KSR2: variants seen among roughly 807,000 people sequenced by gnomAD.
KSR2 encodes the protein kinase suppressor of ras 2.
A neutral mutation model predicts 107.8 loss-of-function variants in KSR2; 25 were observed. The observed-to-expected ratio is 0.23, with a 90% CI of 0.17 to 0.32. KSR2 has a LOEUF of 0.32. KSR2 is among the 10% of genes least tolerant of loss of function. KSR2 has a pLI of 1.00. For synonymous variants in KSR2, 480 were observed against 507.0 expected (o/e 0.95, Z 0.71); for missense variants, 887 against 1,268.9 (o/e 0.70, Z 4.57).
chr12:117,580,673 A>G (rs1221093771), intron 6 of KSR2, among the ~76,000 whole-genome samples: 1 of 152,250 alleles, frequency 6.6e-6, no homozygotes, highest in Non-Finnish European at 1.5e-5. Flanking sequence ...AGGTCATCCC[A>G]AGTCTCAGCT....
At chr12:117,830,812 G>T (rs1891935709) in intron 3 of KSR2, among the ~76,000 whole-genome samples, 1 of 152,068 alleles carries the variant, frequency 6.6e-6, no homozygotes, top group African/African-American at 2.4e-5. Context: ...GTTTTATGAT[G>T]ATTTTTACTA....
At chr12:117,899,480 C>A (rs1201162189) in intron 1 of KSR2, among the ~76,000 whole-genome samples, 1 of 151,908 alleles carries the variant, frequency 6.6e-6, no homozygotes, top group African/African-American at 2.4e-5. Context: ...GCAACAGAGA[C>A]CCTGTCTCAA....
chr12:117,584,925 AAT>A (rs1879899235), intron 5 of KSR2, among the ~76,000 whole-genome samples: 1 of 152,210 alleles, frequency 6.6e-6, no homozygotes, highest in African/African-American at 2.4e-5. Context: ...ATTCTCAATG[AAT>A]AACTCTGCAA....
intron 1 of KSR2, among the ~76,000 whole-genome samples, chr12:117,901,013 T>C (rs908249744): frequency 6.6e-6 from 1 of 152,138 alleles, no homozygotes; most frequent in African/African-American, 2.4e-5. Flanking sequence ...CATAATAATT[T>C]CGGCATCAAG....
chr12:117,704,723 G>A (rs1886454295), intron 4 of KSR2, among the ~76,000 whole-genome samples: 1 of 152,076 alleles, frequency 6.6e-6, no homozygotes, highest in South Asian at 2.1e-4. Flanking sequence ...GCTGGGCATG[G>A]TGGCACACGC....
At chr12:117,966,766 G>GA (rs1185746393) in intron 1 of KSR2, among the ~76,000 whole-genome samples, 8 of 150,788 alleles carry the variant, frequency 5.3e-5, no homozygotes, top group Middle Eastern at 6.8e-3. Flanking sequence ...AAAAATCACG[G>GA]AAAAAAAAGA....
At chr12:117,709,683 A>G (rs976333410) in intron 4 of KSR2, among the ~76,000 whole-genome samples, 2 of 152,192 alleles carry the variant, frequency 1.3e-5, no homozygotes, top group Admixed American at 1.3e-4. Context: ...ACAGCTGCTC[A>G]CAGAAATCAT....
chr12:117,546,531 A>G (rs1876880065), intron 9 of KSR2, among the ~76,000 whole-genome samples: 1 of 152,120 alleles, frequency 6.6e-6, no homozygotes, highest in Non-Finnish European at 1.5e-5. Flanking sequence ...GAAGTTTTCA[A>G]CCATTATTTC....
At chr12:117,622,909 G>C (rs958519018) in intron 5 of KSR2, among the ~76,000 whole-genome samples, 2 of 152,118 alleles carry the variant, frequency 1.3e-5, no homozygotes, top group Admixed American at 6.5e-5. Context: ...GTTGGGTCTG[G>C]GAGAAAGACA....
intron 5 of KSR2, among the ~76,000 whole-genome samples, chr12:117,635,665 G>A (rs531349693): frequency 1.3e-5 from 2 of 152,114 alleles, no homozygotes. Context: ...AATACTTTCA[G>A]ATTTACAGAA....
rs192928852 is a variant in KSR2 at position 117,573,607 on chromosome 12, A to C, written c.1325+5512T>G. ...CAGTAGTGCAATGTTGGCTCACTGC[A>C]ACCTCCACCTCCTAGGTTCAAGTGA... is the stretch of plus-strand genomic sequence containing the variant. On this transcript the variant is annotated intron_variant, in intron 7 of 19. Coordinates refer to ENST00000339824, the MANE Select transcript of KSR2 (RefSeq NM_173598.6). 1.2e-4 allele frequency among the ~76,000 whole-genome samples: 17 copies of C among 146,358 alleles called. No individual in the cohort carries two copies. In the East Asian group the frequency reaches 3.2e-3, roughly 28 times the overall value.
chr12:117,737,789 A>G, intron 4 of KSR2, among the ~76,000 whole-genome samples: 1 of 151,420 alleles, frequency 6.6e-6, no homozygotes, highest in South Asian at 2.1e-4. Context: ...TCTCAAAAAA[A>G]AAAAAAAAAA....
At chr12:117,548,807 C>T (rs7959541) in intron 9 of KSR2, among the ~76,000 whole-genome samples, 120,139 of 152,070 alleles carry the variant, frequency 0.79, 47,640 homozygotes, top group Admixed American at 0.85. Flanking sequence ...GAAACTAGAC[C>T]CTCTCCAGAG....
chr12:117,814,791 A>G (rs2137059449), intron 3 of KSR2, among the ~76,000 whole-genome samples: 1 of 152,298 alleles, frequency 6.6e-6, no homozygotes, highest in East Asian at 1.9e-4. Context: ...AACCATCTGT[A>G]CTTGAATCAC....
chr12:117,667,964 A>G (rs1884738360), intron 4 of KSR2, among the ~76,000 whole-genome samples: 1 of 152,080 alleles, frequency 6.6e-6, no homozygotes, highest in Non-Finnish European at 1.5e-5. Flanking sequence ...TCCAACTCCA[A>G]TCCCGCAACT....
rs1884858123 is a variant in KSR2 at position 117,670,435 on chromosome 12, C to T, written c.987-2777G>A. On this transcript the variant is annotated intron_variant, in intron 4 of 19. Transcript: ENST00000339824. ...ATAAGGGATGTGGTGAAGGTGGTGCCAGCCCTGAAACCAGGCAGTACGGCA... is the reference window on the plus strand; with the variant it reads ...ATAAGGGATGTGGTGAAGGTGGTGCTAGCCCTGAAACCAGGCAGTACGGCA... 2.0e-5 allele frequency among the ~76,000 whole-genome samples: 3 copies of T among 152,166 alleles called. No individual in the cohort carries two copies. In the South Asian group the frequency reaches 6.2e-4, roughly 32 times the overall value.
At chr12:117,678,259 C>T (rs1885224454) in intron 4 of KSR2, among the ~76,000 whole-genome samples, 1 of 152,052 alleles carries the variant, frequency 6.6e-6, no homozygotes, top group African/African-American at 2.4e-5. Flanking sequence ...CAGTATTGGG[C>T]TTCTAACCCA....
chr12:117,929,731 T>G (rs10774972), intron 1 of KSR2, among the ~76,000 whole-genome samples: 59,566 of 151,998 alleles, frequency 0.39, 12,214 homozygotes, highest in East Asian at 0.45. Context: ...CTCAAAAACA[T>G]TAGGTTAAGT....
intron 5 of KSR2, 91 bp from the exon 6 acceptor site, chr12:117,582,450 C>G (rs1470053666): frequency 2.1e-6 from 2 of 930,762 alleles, no homozygotes; most frequent in Non-Finnish European, 3.5e-6. Flanking sequence ...GGGCTCGTCA[C>G]CCTCAGGAAG....
Sources: gnomAD v4.1 joint callset for allele counts (sites outside exome capture counted in the v4.1 genomes callset) on GRCh38, gnomAD v4.1.1 for gene constraint, MANE v1.5 for transcripts, NCBI Gene and HGNC (gene_info 2026-07-23, HGNC 2026-07-21) for gene names.